Variants in OTUD4 observed in about 807,000 individuals in gnomAD.
OTUD4 encodes the protein OTU deubiquitinase 4.
A neutral mutation model predicts 130.4 loss-of-function variants in OTUD4; 24 were observed. The ratio of observed to expected loss-of-function variants is 0.18; its 90% CI spans 0.13 to 0.26. The LOEUF is 0.26. OTUD4 is among the 10% of genes least tolerant of loss of function. The pLI, the probability that OTUD4 is intolerant of heterozygous loss-of-function variation, is 1.00. For synonymous variants in OTUD4, 420 were observed against 472.5 expected (o/e 0.89, Z 1.44); for missense variants, 1,031 against 1,329.4 (o/e 0.78, Z 3.49).
chr4:145,140,441 C>T (rs553181344), intron 19 of OTUD4, among the ~76,000 whole-genome samples: 1 of 152,142 alleles, frequency 6.6e-6, no homozygotes, highest in East Asian at 1.9e-4. Flanking sequence ...TACTCATAGA[C>T]ACAAACATCA....
intron 17 of OTUD4, among the ~76,000 whole-genome samples, chr4:145,142,539 T>A (rs1462781735): frequency 6.6e-6 from 1 of 152,222 alleles, no homozygotes; most frequent in Admixed American, 6.5e-5. Flanking sequence ...AACCAAGGGT[T>A]GCCTACCAAC....
rs1400585893 is a variant in OTUD4, at chr4:145,136,629, G to A, written c.*801C>T. On this transcript the variant is annotated 3_prime_UTR_variant, in exon 21 of 21. Transcript: ENST00000447906. ...ATGCAGATTATTTTCAAAATGCATA[G>A]CATCTACATTTCTTTCGAGTAGGCA... The A allele has an allele frequency of 3.9e-5, 6 of 152,310 alleles. No homozygotes were observed. The highest frequency in any genetic ancestry group is 8.8e-5 in the Non-Finnish European group (6 of 67,946). 9.4% of individuals were successfully genotyped at this position (152,310 alleles called of 1,614,324 possible). A position where few individuals can be genotyped will look rare whatever the true frequency, so the allele number is the denominator to read the frequency against.
intron 1 of OTUD4, among the ~76,000 whole-genome samples, chr4:145,176,866 A>G (rs1266967068): frequency 6.6e-6 from 1 of 152,230 alleles, no homozygotes; most frequent in Admixed American, 6.5e-5. Context: ...GACGCCTAGT[A>G]TGTCCTATTA....
chr4:145,141,745 AAAG>A (rs1214580390), intron 18 of OTUD4, 106 bp from the exon 19 acceptor site: 2 of 996,922 alleles, frequency 2.0e-6, no homozygotes, highest in Admixed American at 6.3e-5. Context: ...AAGCCAATCT[AAAG>A]TAGTACCTTT....
At chr4:145,147,360 GA>G (rs34297913) in intron 13 of OTUD4, among the ~76,000 whole-genome samples, 1 of 151,828 alleles carries the variant, frequency 6.6e-6, no homozygotes, top group South Asian at 2.1e-4. Context: ...TGGTATCGAT[GA>G]AAAAAGGGAG....
intron 7 of OTUD4, 178 bp downstream of exon 7, chr4:145,159,325 A>G: frequency 7.0e-7 from 1 of 1,431,326 alleles, no homozygotes; most frequent in Non-Finnish European, 9.1e-7. Context: ...CAGTCCCATA[A>G]TAGAAATTAG....
Position 145,135,672 on chromosome 4 carries a change from A to C in OTUD4, c.*1758T>G, listed in dbSNP as rs36227326. On this transcript the variant is annotated 3_prime_UTR_variant, in exon 21 of 21. Coordinates refer to ENST00000447906, the MANE Select transcript of OTUD4 (RefSeq NM_001366057.1). Reference sequence around the variant, plus strand: ...GGTTCTCTCAAGAAAAGTTTTCCACACAACCATCCCAGTCTTTACAATTTT... The same window carrying C: ...GGTTCTCTCAAGAAAAGTTTTCCACCCAACCATCCCAGTCTTTACAATTTT... 0.018 allele frequency: 2,819 copies of C among 152,684 alleles called. 43 individuals carry two copies. Among genetic ancestry groups the C allele is most frequent in the Non-Finnish European group, 0.03 (2,011 of 68,018 alleles). 9.5% of individuals were successfully genotyped at this position (152,684 alleles called of 1,614,324 possible).
At chr4:145,173,405 A>AG (rs1222055809) in intron 2 of OTUD4, among the ~76,000 whole-genome samples, 2 of 152,120 alleles carry the variant, frequency 1.3e-5, no homozygotes, top group Admixed American at 6.5e-5. Flanking sequence ...AAAAAAAAAA[A>AG]TTATATGGAC....
intron 3 of OTUD4, 71 bp downstream of exon 3, chr4:145,171,599 T>C (rs1315414630): frequency 2.7e-6 from 2 of 738,020 alleles, no homozygotes; most frequent in Non-Finnish European, 4.8e-6. Context: ...AGTAATCTTC[T>C]ATTTTAATGA....
intron 10 of OTUD4, 82 bp downstream of exon 10, chr4:145,155,329 C>T (rs1751234591): frequency 9.8e-7 from 1 of 1,024,678 alleles, no homozygotes; most frequent in South Asian, 1.4e-5. Context: ...AACACATTCA[C>T]ACCTCAGCTG....
chr4:145,159,647 G>T lies in OTUD4; in HGVS notation c.497-12C>A. On this transcript the variant is annotated splice_polypyrimidine_tract_variant and intron_variant, in intron 6 of 20. Transcript: ENST00000447906. ...TTCATAAAGGAGAGCTGCAATTAAT[G>T]ACAGACAGATTTTCCAACATTAACT... 1 of 1,610,588 alleles carries T rather than the reference G, an allele frequency of 6.2e-7. No individual in the cohort carries two copies. Among genetic ancestry groups the T allele is most frequent in the South Asian group, 1.1e-5 (1 of 90,370 alleles).
chr4:145,145,956 C>T (rs1294917153), intron 14 of OTUD4: 1 of 169,106 alleles, frequency 5.9e-6, no homozygotes, highest in African/African-American at 2.4e-5. Context: ...AAATCATGAA[C>T]CTCTACTACA....
Position 145,179,924 on chromosome 4 carries a change from C to G in OTUD4, c.50G>C (p.Gly17Ala). The change falls in exon 1 of 21, where the codon GGG becomes GCG. Residue 17 changes from glycine to alanine, a missense_variant. Gly to Ala is a moderately conservative substitution (Grantham distance 60, BLOSUM62 0). This residue lies in a region of OTUD4 where 54 missense variants were observed against 60.6 expected (regional missense o/e 0.89). Coordinates refer to ENST00000447906, the MANE Select transcript of OTUD4 (RefSeq NM_001366057.1). ...VPDGGDQGGA[G>A]PREDATPMDA... ...CATGGGCGTCGCGTCCTCGCGGGGC[C>G]CCGCGCCGCCCTGGTCCCCGCCGTC... 1 of 1,527,348 alleles carries G rather than the reference C, an allele frequency of 6.5e-7. No homozygotes were observed. Among genetic ancestry groups the G allele is most frequent in the Non-Finnish European group, 8.7e-7 (1 of 1,143,778 alleles). 94.6% of individuals were successfully genotyped at this position (1,527,348 alleles called of 1,614,324 possible).
Position 145,134,044 on chromosome 4 carries a change from T to C in OTUD4, c.*3386A>G, listed in dbSNP as rs1477095647. 3.3e-5 allele frequency: 5 copies of C among 152,618 alleles called. No individual in the cohort carries two copies. The highest frequency in any genetic ancestry group is 7.3e-5 in the Non-Finnish European group (5 of 68,028). The allele number at this position is 152,618 out of a possible 1,614,324, so 9.5% of individuals were successfully genotyped here. A position where few individuals can be genotyped will look rare whatever the true frequency, so the allele number is the denominator to read the frequency against. ...CATTCAAGTAAGTTCAACCCCAAAG[T>C]TGCCGCTTCCCAGCATTAAGACATG... is the stretch of plus-strand genomic sequence containing the variant. On this transcript the variant is annotated 3_prime_UTR_variant, in exon 21 of 21. Coordinates refer to ENST00000447906, the MANE Select transcript of OTUD4 (RefSeq NM_001366057.1).
intron 1 of OTUD4, among the ~76,000 whole-genome samples, chr4:145,179,370 A>AC (rs1445170295): frequency 6.6e-6 from 1 of 152,198 alleles, no homozygotes; most frequent in Non-Finnish European, 1.5e-5. Flanking sequence ...CCAGCAGCAA[A>AC]CCAAAATATG....
chr4:145,160,981 G>C (rs1386767331), intron 6 of OTUD4, among the ~76,000 whole-genome samples: 1 of 151,796 alleles, frequency 6.6e-6, no homozygotes, highest in African/African-American at 2.4e-5. Flanking sequence ...TTGGTGGCGG[G>C]CATCTGTAAT....
intron 17 of OTUD4, 46 bp from the exon 18 acceptor site, chr4:145,142,380 T>C: frequency 6.3e-7 from 1 of 1,585,100 alleles, no homozygotes; most frequent in Non-Finnish European, 8.6e-7. Context: ...AGACAAGAGG[T>C]CATTTTGCTT....
intron 3 of OTUD4, chr4:145,171,429 C>T (rs934064553): frequency 8.1e-6 from 3 of 368,134 alleles, no homozygotes; most frequent in Non-Finnish European, 1.5e-5. Context: ...TTTTATACTA[C>T]ATTTACATGC....
Position 145,134,805 on chromosome 4 carries a change from A to C in OTUD4, c.*2625T>G, listed in dbSNP as rs1457439862. ...CCAAAGGGAAAAGGGGGCTGGAATCAAGTTCAGCCAAAGCACCTAACACAA... is the reference window on the plus strand; with the variant it reads ...CCAAAGGGAAAAGGGGGCTGGAATCCAGTTCAGCCAAAGCACCTAACACAA... On this transcript the variant is annotated 3_prime_UTR_variant, in exon 21 of 21. Coordinates refer to ENST00000447906, the MANE Select transcript of OTUD4 (RefSeq NM_001366057.1). The C allele has an allele frequency of 2.0e-5, 8 of 398,914 alleles. No homozygotes were observed. Among genetic ancestry groups the C allele is most frequent in the Middle Eastern group, 1.2e-3 (2 of 1,608 alleles). 24.7% of individuals were successfully genotyped at this position (398,914 alleles called of 1,614,324 possible).
Sources: gnomAD v4.1 joint callset for allele counts (sites outside exome capture counted in the v4.1 genomes callset) on GRCh38, gnomAD v4.1.1 for gene constraint, gnomAD v4.1.1 regional missense constraint, MANE v1.5 for transcripts, NCBI Gene and HGNC (gene_info 2026-07-23, HGNC 2026-07-21) for gene names.